Variants in RBFOX3 observed in about 807,000 individuals in gnomAD.
RBFOX3 encodes the protein RNA binding fox-1 homolog 3, also known as RNA binding protein fox-1 homolog 3.
In RBFOX3, 17 loss-of-function variants were observed where a neutral mutation model predicts 48.7. That is an observed-to-expected ratio of 0.35 (90% CI 0.24 to 0.52). RBFOX3 has a LOEUF of 0.52. Among genes scored for constraint, RBFOX3 ranks in the 20% least tolerant of loss-of-function variants. RBFOX3 has a pLI of 0.94. For synonymous variants in RBFOX3, 212 were observed against 209.5 expected, an observed-to-expected ratio of 1.01 and a Z score of -0.10; for missense variants, 382 against 497.5, an observed-to-expected ratio of 0.77 and a Z score of 2.21.
At chr17:79,580,358 C>T (rs1237108151) in intron 1 of RBFOX3, among the ~76,000 whole-genome samples, 3 of 150,212 alleles carry the variant, frequency 2.0e-5, no homozygotes, top group African/African-American at 7.3e-5. Context: ...GCCAACAACT[C>T]CCTCATCCCA....
At chr17:79,143,361 T>C (rs938645360) in intron 4 of RBFOX3, among the ~76,000 whole-genome samples, 5 of 123,016 alleles carry the variant, frequency 4.1e-5, no homozygotes, top group Admixed American at 1.8e-4. Flanking sequence ...GGTGCTGTCC[T>C]TGTTGGTGGA....
intron 2 of RBFOX3, among the ~76,000 whole-genome samples, chr17:79,408,305 A>G (rs868429494): frequency 2.0e-5 from 3 of 152,212 alleles, no homozygotes; most frequent in Middle Eastern, 3.4e-3. Context: ...CCCAAGCGAG[A>G]CCAGTGGGAG....
chr17:79,097,505 C>CCT, intron 10 of RBFOX3, 81 bp from the exon 11 acceptor site: 1 of 1,435,888 alleles, frequency 7.0e-7, no homozygotes, highest in Non-Finnish European at 9.2e-7. Context: ...ACCTAGCCCC[C>CCT]CCGCGCACCT....
intron 1 of RBFOX3, among the ~76,000 whole-genome samples, chr17:79,506,973 C>T (rs1003648430): frequency 1.3e-5 from 2 of 152,184 alleles, no homozygotes; most frequent in African/African-American, 4.8e-5. Flanking sequence ...TGGGTTGTTG[C>T]GGGCTGGCAA....
chr17:79,450,169 G>A (rs1391117691), intron 2 of RBFOX3, among the ~76,000 whole-genome samples: 1 of 152,218 alleles, frequency 6.6e-6, no homozygotes, highest in East Asian at 1.9e-4. Flanking sequence ...CCAGACTCAA[G>A]GAGGTCAAAA....
Position 79,198,505 on chromosome 17 carries a change from C to A in RBFOX3, c.-34+37261G>T, listed in dbSNP as rs1457542695. Among the ~76,000 whole-genome samples, 1 of 152,224 alleles carries A rather than the reference C, an allele frequency of 6.6e-6. No individual in the cohort carries two copies. The highest frequency in any genetic ancestry group is 1.5e-5 in the Non-Finnish European group (1 of 68,042). ...CTCAAGCCTGTGGGACAGATGGGTACAGCTGGAGACTGAGGCTTGGAGAAG... is the reference window on the plus strand; with the variant it reads ...CTCAAGCCTGTGGGACAGATGGGTAAAGCTGGAGACTGAGGCTTGGAGAAG... On this transcript the variant is annotated intron_variant, in intron 4 of 14. Coordinates refer to ENST00000693108, the MANE Select transcript of RBFOX3 (RefSeq NM_001350451.2). This position sits in a 1 kb window ranked among gnomAD's most constrained non-coding sequence, Gnocchi z 8.2.
chr17:79,533,233 A>T lies in RBFOX3; in HGVS notation c.-319-50635T>A, dbSNP rs370264441. Among the ~76,000 whole-genome samples, 249 of 152,300 alleles carry T rather than the reference A, an allele frequency of 1.6e-3. 1 individual carries two copies. Among genetic ancestry groups the T allele is most frequent in the African/African-American group, 5.6e-3 (234 of 41,570 alleles). On this transcript the variant is annotated intron_variant, in intron 1 of 14. Transcript: ENST00000693108. ...CTCTGCCCTGTGTTTCCCTGGTAGG[A>T]CGGTCCCAGGGCCGGGACAAGCTGC...
At chr17:79,551,298 G>C (rs1045007134) in intron 1 of RBFOX3, among the ~76,000 whole-genome samples, 1 of 152,104 alleles carries the variant, frequency 6.6e-6, no homozygotes, top group Non-Finnish European at 1.5e-5. Context: ...CCAGGGGCTA[G>C]GAAAATGCTT....
At chr17:79,495,955 C>T (rs1338634786) in intron 1 of RBFOX3, among the ~76,000 whole-genome samples, 4 of 152,038 alleles carry the variant, frequency 2.6e-5, no homozygotes, top group East Asian at 1.9e-4. Flanking sequence ...CAGATGGGAA[C>T]GTGCAGAAAC....
At chr17:79,173,620 C>T (rs904052823) in intron 4 of RBFOX3, among the ~76,000 whole-genome samples, 5 of 152,164 alleles carry the variant, frequency 3.3e-5, no homozygotes, top group African/African-American at 9.7e-5. Context: ...AGTGACGGCA[C>T]GGCACTGGAT....
At chr17:79,176,722 T>G (rs2050630763) in intron 4 of RBFOX3, among the ~76,000 whole-genome samples, 1 of 150,014 alleles carries the variant, frequency 6.7e-6, no homozygotes, top group Non-Finnish European at 1.5e-5. Context: ...CGGGAGGAAG[T>G]AGTGGTGGCT....
chr17:79,367,147 G>C (rs1446263472), intron 2 of RBFOX3, among the ~76,000 whole-genome samples: 1 of 151,854 alleles, frequency 6.6e-6, no homozygotes, highest in African/African-American at 2.4e-5. Flanking sequence ...TCGCAGAGTC[G>C]GCTTCCGGAG....
chr17:79,231,009 TC>T (rs938495257), intron 4 of RBFOX3, among the ~76,000 whole-genome samples: 16 of 151,842 alleles, frequency 1.1e-4, no homozygotes, highest in African/African-American at 3.6e-4. Context: ...AGGGCAGTGA[TC>T]CCCCAGTGCT....
rs150228501 is a variant in RBFOX3 at position 79,452,385 on chromosome 17, C to T, written c.-175+30069G>A. ...TGGGCATTCTTTGTGCACATGCCTT[C>T]GACGCAGAAGGCAGAGCTCCAGCAA... On this transcript the variant is annotated intron_variant, in intron 2 of 14. Coordinates refer to ENST00000693108, the MANE Select transcript of RBFOX3 (RefSeq NM_001350451.2). Among the ~76,000 whole-genome samples the T allele has an allele frequency of 4.2e-3, 637 of 152,212 alleles. 4 individuals carry two copies. Among genetic ancestry groups the T allele is most frequent in the South Asian group, 7.7e-3 (37 of 4,818 alleles).
intron 1 of RBFOX3, among the ~76,000 whole-genome samples, chr17:79,509,230 A>G (rs1426348147): frequency 1.3e-5 from 2 of 152,168 alleles, no homozygotes; most frequent in East Asian, 1.9e-4. Context: ...GGGGTCCCCA[A>G]GGCGGCCTGG....
intron 3 of RBFOX3, among the ~76,000 whole-genome samples, chr17:79,284,543 C>CT (rs55731401): frequency 0.28 from 38,021 of 135,720 alleles, 5,897 homozygotes; most frequent in Middle Eastern, 0.44. Flanking sequence ...AAGAGACTCG[C>CT]TTTTTTTTTT....
rs2064191301 is a variant in RBFOX3, at chr17:79,252,892, A to C, written c.-73-17087T>G. On this transcript the variant is annotated intron_variant, in intron 3 of 14. Coordinates refer to ENST00000693108, the MANE Select transcript of RBFOX3 (RefSeq NM_001350451.2). The surrounding 1 kb of genome is among the most constrained non-coding windows in gnomAD (Gnocchi z 4.0). ...GAAAAATCTCAAATCTGCCAACCCC[A>C]CCCTTCCCCCTCTATCCCGCCCGGC... Among the ~76,000 whole-genome samples, 1 of 150,506 alleles carries C rather than the reference A, an allele frequency of 6.6e-6. No individual in the cohort carries two copies. The highest frequency in any genetic ancestry group is 1.5e-5 in the Non-Finnish European group (1 of 67,648).
intron 4 of RBFOX3, among the ~76,000 whole-genome samples, chr17:79,215,793 G>A (rs1368024871): frequency 6.6e-6 from 1 of 152,280 alleles, no homozygotes; most frequent in East Asian, 1.9e-4. Flanking sequence ...CTGCCCTGAA[G>A]CGGAGCACCC....
intron 1 of RBFOX3, among the ~76,000 whole-genome samples, chr17:79,581,205 G>A (rs1275550815): frequency 6.6e-6 from 1 of 152,088 alleles, no homozygotes; most frequent in Non-Finnish European, 1.5e-5. Flanking sequence ...CCGAGATCGT[G>A]CCACTGCACT....
Sources: gnomAD v4.1 joint callset for allele counts (sites outside exome capture counted in the v4.1 genomes callset) on GRCh38, gnomAD v4.1.1 for gene constraint, Gnocchi (gnomAD v3.1) non-coding constraint, MANE v1.5 for transcripts, NCBI Gene and HGNC (gene_info 2026-07-23, HGNC 2026-07-21) for gene names.